LDB3: variants seen among roughly 807,000 people sequenced by gnomAD.
The protein encoded by LDB3 is LIM domain-binding protein 3.
Under a neutral mutation model 69.0 loss-of-function variants are expected in LDB3, and 49 were observed. That is an observed-to-expected ratio of 0.71 (90% confidence interval 0.56 to 0.90). The LOEUF is 0.90. Among genes scored for constraint, LDB3 ranks in the 40% least tolerant of loss-of-function variants. LDB3 has a pLI of 0.00. For synonymous variants in LDB3, 387 were observed against 396.2 expected, an observed-to-expected ratio of 0.98 and a Z score of 0.28; for missense variants, 928 against 974.1, an observed-to-expected ratio of 0.95 and a Z score of 0.63.
intron 7 of LDB3, among the ~76,000 whole-genome samples, chr10:86,693,516 A>G (rs1845868960): frequency 6.6e-6 from 1 of 152,232 alleles, no homozygotes; most frequent in Non-Finnish European, 1.5e-5. Context: ...AGGACTCTGG[A>G]GCCAGCTTAG....
chr10:86,705,974 T>A (rs190272994), intron 7 of LDB3, among the ~76,000 whole-genome samples: 202 of 152,328 alleles, frequency 1.3e-3, no homozygotes, highest in African/African-American at 4.5e-3. Flanking sequence ...GTAACCTTGC[T>A]CTGCCTGGCA....
rs1846943895 is a variant in LDB3, at chr10:86,718,155, G to A, written c.1857+11G>A. 2 of 1,612,892 alleles carry A rather than the reference G, an allele frequency of 1.2e-6. No homozygotes were observed. The highest frequency in any genetic ancestry group is 2.2e-5 in the South Asian group (2 of 91,058). ...ACCAAAATTATGGGGGTAAGTGGGA[G>A]GCCTCCATTTCCTCTGACCCATGTC... On this transcript the variant is annotated intron_variant, in intron 11 of 13. Coordinates refer to ENST00000361373, the MANE Select transcript of LDB3 (RefSeq NM_007078.3).
rs146668620 is a variant in LDB3 at position 86,681,843 on chromosome 10, C to T, written c.689+40C>T. 17 of 1,535,746 alleles carry T rather than the reference C, an allele frequency of 1.1e-5. 1 individual carries two copies. The highest frequency in any genetic ancestry group is 1.8e-4 in the Middle Eastern group (1 of 5,678). ...TACAGCTCTCCACAGGTGGCCTGGG[C>T]CACCTGGGTCCTCGGTGCTCGGCAG... On this transcript the variant is annotated intron_variant, in intron 5 of 13. Coordinates refer to ENST00000361373, the MANE Select transcript of LDB3 (RefSeq NM_007078.3).
At chr10:86,669,041 C>CAGGG (rs1303554880) in intron 2 of LDB3, among the ~76,000 whole-genome samples, 1 of 151,634 alleles carries the variant, frequency 6.6e-6, no homozygotes, top group Non-Finnish European at 1.5e-5. Flanking sequence ...AGTTTTCAGG[C>CAGGG]AGGCAGGCAG....
At chr10:86,703,395 T>C (rs1846333301) in intron 7 of LDB3, among the ~76,000 whole-genome samples, 1 of 152,184 alleles carries the variant, frequency 6.6e-6, no homozygotes. Flanking sequence ...GGTTCTTTCA[T>C]AGGTGGGTTC....
At chr10:86,708,718 G>A (rs890546454) in intron 8 of LDB3, among the ~76,000 whole-genome samples, 2 of 152,228 alleles carry the variant, frequency 1.3e-5, no homozygotes, top group Non-Finnish European at 1.5e-5. Context: ...CAGGGCAAGT[G>A]TGCACAGCCC....
rs778777214 is a variant in LDB3, at chr10:86,681,681, G to A, written c.567G>A (p.Ser189=). The change falls in exon 5 of 14, where the codon TCG becomes TCA. Residue 189 remains serine, a synonymous_variant. Transcript: ENST00000361373. ...TCGGCCCAAAAGCCCTGCCGGGCTCGAGCCAGCCGAGGCAATATAACAACC... is the reference window on the plus strand; with the variant it reads ...TCGGCCCAAAAGCCCTGCCGGGCTCAAGCCAGCCGAGGCAATATAACAACC... ...DLLGPKALPG[S]SQPRQYNNPI... 2.5e-5 allele frequency: 41 copies of A among 1,613,322 alleles called. No individual in the cohort carries two copies. The highest frequency in any genetic ancestry group is 6.7e-5 in the East Asian group (3 of 44,880).
chr10:86,730,348 C>T (rs1847412769), intron 13 of LDB3, among the ~76,000 whole-genome samples: 1 of 152,216 alleles, frequency 6.6e-6, no homozygotes, highest in African/African-American at 2.4e-5. Context: ...ATTCTGCCCC[C>T]CAGCAGGGAT....
rs899044339 is a variant in LDB3 at position 86,711,522 on chromosome 10, C to T, written c.1231+1472C>T. Reference sequence around the variant, plus strand: ...GCGGAGTCCGGGGGCGGCTGGCAGGCGGCCCCGTATGAAGTGGGGCGTGTG... The same window carrying T: ...GCGGAGTCCGGGGGCGGCTGGCAGGTGGCCCCGTATGAAGTGGGGCGTGTG... On this transcript the variant is annotated intron_variant, in intron 9 of 13. Transcript: ENST00000361373. 2.6e-5 allele frequency among the ~76,000 whole-genome samples: 4 copies of T among 152,036 alleles called. No homozygotes were observed. In the East Asian group the frequency reaches 7.8e-4, roughly 30 times the overall value.
intron 9 of LDB3, among the ~76,000 whole-genome samples, chr10:86,712,929 C>T (rs1279218984): frequency 5.3e-5 from 8 of 151,862 alleles, no homozygotes; most frequent in African/African-American, 1.9e-4. Context: ...GGCGTGGTGG[C>T]GGGCGCCTGT....
chr10:86,709,163 G>A (rs967037020), intron 8 of LDB3, among the ~76,000 whole-genome samples: 1 of 152,226 alleles, frequency 6.6e-6, no homozygotes, highest in Non-Finnish European at 1.5e-5. Context: ...ACAGGCCGCT[G>A]GATTCCAGGA....
intron 12 of LDB3, among the ~76,000 whole-genome samples, chr10:86,722,143 G>A (rs1055161861): frequency 6.6e-6 from 1 of 152,182 alleles, no homozygotes; most frequent in African/African-American, 2.4e-5. Context: ...TCAGACCCAT[G>A]CTACCAAATT....
chr10:86,677,453 C>T (rs1229644082), intron 2 of LDB3, among the ~76,000 whole-genome samples: 2 of 152,134 alleles, frequency 1.3e-5, no homozygotes. Context: ...GGCAGGGCCA[C>T]CAAAGCATTC....
chr10:86,684,047 C>T (rs1402702985), intron 5 of LDB3, among the ~76,000 whole-genome samples: 1 of 152,256 alleles, frequency 6.6e-6, no homozygotes, highest in Non-Finnish European at 1.5e-5. Context: ...CCGCTACTCT[C>T]TCCTCTGGGC....
chr10:86,681,347 T>G, intron 4 of LDB3, 89 bp from the exon 5 acceptor site: 2 of 1,574,830 alleles, frequency 1.3e-6, no homozygotes, highest in Non-Finnish European at 1.7e-6. Context: ...CGCTAACACA[T>G]CTGTTTCAGG....
In LDB3 at chr10:86,699,126, G is replaced by T; in HGVS notation, c.896+6555G>T. Reference sequence around the variant, plus strand: ...TGGATTGCATAGCTTCTCCAAGCCCGTTCCCTCCCTCCCATGCCCTCTGCC... The same window carrying T: ...TGGATTGCATAGCTTCTCCAAGCCCTTTCCCTCCCTCCCATGCCCTCTGCC... On this transcript the variant is annotated intron_variant, in intron 7 of 13. Transcript: ENST00000361373. This position sits in a 1 kb window ranked among gnomAD's most constrained non-coding sequence, Gnocchi z 4.9. 1 of 913,046 alleles carries T rather than the reference G, an allele frequency of 1.1e-6. No homozygotes were observed. The highest frequency in any genetic ancestry group is 1.8e-6 in the Non-Finnish European group (1 of 568,848). 56.6% of individuals were successfully genotyped at this position (913,046 alleles called of 1,614,324 possible).
At chr10:86,720,056 A>C (rs1847020706) in intron 12 of LDB3, among the ~76,000 whole-genome samples, 1 of 152,254 alleles carries the variant, frequency 6.6e-6, no homozygotes, top group African/African-American at 2.4e-5. Flanking sequence ...ACAGTAAGTT[A>C]GTTTACTTTA....
Position 86,692,011 on chromosome 10 carries a change from A to C in LDB3, c.805A>C (p.Asn269His), listed in dbSNP as rs1367297073. 6.2e-7 allele frequency: 1 copy of C among 1,614,176 alleles called. No individual in the cohort carries two copies. The highest frequency in any genetic ancestry group is 1.7e-5 in the Admixed American group (1 of 60,030). ...TGACGAGTGGGCACGCCGTTCCTCC[A>C]ACCTGCAGTCTCGCTCCTTCCGCAT... ...EADEWARRSS[N>H]LQSRSFRILA... Residue 269 changes from asparagine to histidine, a missense_variant, in exon 6 of 14, where the codon AAC becomes CAC. Coordinates refer to ENST00000361373, the MANE Select transcript of LDB3 (RefSeq NM_007078.3).
At position 86,699,887 on chromosome 10, in the gene LDB3, G is replaced by A. The variant is rs1846185447; in HGVS notation, c.897-6644G>A. 9.9e-7 allele frequency: 1 copy of A among 1,010,650 alleles called. No individual in the cohort carries two copies. 62.6% of individuals were successfully genotyped at this position (1,010,650 alleles called of 1,614,324 possible). ...AGCCCGGAATAGGGCTCTTTGAAGAGGAAGTAGAAGCCCCAGGGTAATGAG... is the reference window on the plus strand; with the variant it reads ...AGCCCGGAATAGGGCTCTTTGAAGAAGAAGTAGAAGCCCCAGGGTAATGAG... On this transcript the variant is annotated intron_variant, in intron 7 of 13. Coordinates refer to ENST00000361373, the MANE Select transcript of LDB3 (RefSeq NM_007078.3). This position sits in a 1 kb window ranked among gnomAD's most constrained non-coding sequence, Gnocchi z 4.9.
Sources: allele counts gnomAD v4.1 joint callset (sites outside exome capture counted in the v4.1 genomes callset), GRCh38; gene constraint gnomAD v4.1.1; non-coding constraint Gnocchi (gnomAD v3.1); transcripts MANE v1.5; gene names NCBI Gene and HGNC (gene_info 2026-07-23, HGNC 2026-07-21).